ARPP21: variants seen among roughly 807,000 people sequenced by gnomAD.
ARPP21 encodes cAMP-regulated phosphoprotein 21.
In ARPP21, 69 loss-of-function variants were observed where a neutral mutation model predicts 113.2. The ratio of observed to expected loss-of-function variants is 0.61; its 90% CI spans 0.50 to 0.74. The LOEUF (loss-of-function observed/expected upper bound fraction) is 0.74, where lower values mean the gene tolerates loss of function less well. ARPP21 is among the 30% of genes least tolerant of loss of function. The pLI, the probability that ARPP21 is intolerant of heterozygous loss-of-function variation, is 0.00. For missense variants in ARPP21, 1,070 were observed against 1,037.4 expected, an observed-to-expected ratio of 1.03 and a Z score of -0.43; for synonymous variants, 368 against 375.5, an observed-to-expected ratio of 0.98 and a Z score of 0.23.
chr3:35,717,575 C>T (rs2092590644), intron 13 of ARPP21, among the ~76,000 whole-genome samples: 1 of 151,976 alleles, frequency 6.6e-6, no homozygotes, highest in Non-Finnish European at 1.5e-5. Flanking sequence ...CGTTAGGGTT[C>T]TTCTGGTTTT....
chr3:35,716,441 T>C (rs1311249352), intron 12 of ARPP21, among the ~76,000 whole-genome samples: 2 of 152,046 alleles, frequency 1.3e-5, no homozygotes, highest in African/African-American at 2.4e-5. Context: ...ATATTTGCAG[T>C]TGGAAATCTT....
intron 19 of ARPP21, among the ~76,000 whole-genome samples, chr3:35,768,543 T>C (rs2096071359): frequency 6.6e-6 from 1 of 152,198 alleles, no homozygotes; most frequent in African/African-American, 2.4e-5. Flanking sequence ...CTAATTTCAA[T>C]AGTAGTGTGT....
intron 11 of ARPP21, chr3:35,715,191 T>G (rs966127664): frequency 1.9e-5 from 7 of 375,606 alleles, no homozygotes; most frequent in Non-Finnish European, 3.4e-5. Context: ...TCTTCTGACC[T>G]CCATGCCGAA....
At chr3:35,783,775 T>A (rs1407756645) in intron 19 of ARPP21, among the ~76,000 whole-genome samples, 1 of 152,212 alleles carries the variant, frequency 6.6e-6, no homozygotes, top group Non-Finnish European at 1.5e-5. Context: ...CCTAGCTCCA[T>A]TTCTATCCTC....
intron 19 of ARPP21, among the ~76,000 whole-genome samples, chr3:35,746,655 T>A (rs934534169): frequency 6.6e-6 from 1 of 152,198 alleles, no homozygotes; most frequent in African/African-American, 2.4e-5. Context: ...TGTCATAACA[T>A]CCTCAGCTAT....
At chr3:35,662,123 C>T (rs746742438) in intron 1 of ARPP21, among the ~76,000 whole-genome samples, 17 of 152,106 alleles carry the variant, frequency 1.1e-4, no homozygotes, top group Non-Finnish European at 2.1e-4. Flanking sequence ...AGATAATTCA[C>T]ACCATTGGAA....
chr3:35,725,379 C>G (rs1559754273), intron 14 of ARPP21, among the ~76,000 whole-genome samples: 1 of 152,134 alleles, frequency 6.6e-6, no homozygotes. Context: ...AGCCTCTAGT[C>G]TGGAAGAAAC....
At chr3:35,692,162 G>GAACTGA (rs1390447323) in intron 9 of ARPP21, among the ~76,000 whole-genome samples, 1 of 151,670 alleles carries the variant, frequency 6.6e-6, no homozygotes, top group Non-Finnish European at 1.5e-5. Context: ...AGGATAGTTT[G>GAACTGA]AACTGAATCG....
At chr3:35,733,562 G>C (rs187372727) in intron 15 of ARPP21, among the ~76,000 whole-genome samples, 7 of 152,234 alleles carry the variant, frequency 4.6e-5, no homozygotes, top group African/African-American at 4.8e-5. Flanking sequence ...TTTAGTCTTC[G>C]GCAGCTGTCA....
chr3:35,763,618 C>G (rs2095855558), intron 19 of ARPP21, among the ~76,000 whole-genome samples: 1 of 152,050 alleles, frequency 6.6e-6, no homozygotes, highest in Non-Finnish European at 1.5e-5. Context: ...CCTGAAAATC[C>G]TTTAGCGGCT....
At chr3:35,682,777 TCG>T in intron 3 of ARPP21, 69 bp from the exon 4 acceptor site, 2 of 1,378,958 alleles carry the variant, frequency 1.5e-6, no homozygotes, top group South Asian at 2.6e-5. Flanking sequence ...TCTCTCTCTC[TCG>T]GTTGTTGATT....
chr3:35,659,424 T>A (rs1706605319), intron 1 of ARPP21, among the ~76,000 whole-genome samples: 1 of 152,190 alleles, frequency 6.6e-6, no homozygotes, highest in Non-Finnish European at 1.5e-5. Flanking sequence ...TTTAGATGAT[T>A]AGAAGACATT....
chr3:35,707,815 G>C (rs767854938), intron 10 of ARPP21, among the ~76,000 whole-genome samples: 9 of 151,662 alleles, frequency 5.9e-5, no homozygotes, highest in Non-Finnish European at 1.0e-4. Context: ...GGGGGCTATG[G>C]GATCCAGGGT....
intron 19 of ARPP21, among the ~76,000 whole-genome samples, chr3:35,768,932 G>T (rs1434829176): frequency 6.6e-6 from 1 of 152,092 alleles, no homozygotes. Flanking sequence ...ATTAGAAAAG[G>T]CTAGTATATA....
In ARPP21 at chr3:35,787,108, T is replaced by C. The variant is rs2096649701; in HGVS notation, c.2138-5274T>C. On this transcript the variant is annotated intron_variant, in intron 19 of 20. Transcript: ENST00000684406. Reference sequence around the variant, plus strand: ...AGCAGACTGACAGTAGTCTATGAATTCCAAAATTAGAAGTGGCCTGAGAGG... The same window carrying C: ...AGCAGACTGACAGTAGTCTATGAATCCCAAAATTAGAAGTGGCCTGAGAGG... Among the ~76,000 whole-genome samples, 5 of 152,356 alleles carry C rather than the reference T, an allele frequency of 3.3e-5. No individual in the cohort carries two copies. The South Asian group carries it at 8.3e-4, about 25-fold the overall frequency.
chr3:35,728,833 C>A (rs966961695), intron 14 of ARPP21, among the ~76,000 whole-genome samples: 1 of 152,142 alleles, frequency 6.6e-6, no homozygotes, highest in East Asian at 1.9e-4. Flanking sequence ...GTCGGAGAAC[C>A]AGTACTTCAG....
chr3:35,777,719 C>T (rs1056798348), intron 19 of ARPP21, among the ~76,000 whole-genome samples: 5 of 152,064 alleles, frequency 3.3e-5, no homozygotes, highest in African/African-American at 1.2e-4. Context: ...TAGTCTTCAC[C>T]CATTGTTATC....
rs778116728 is a variant in ARPP21, at chr3:35,739,567, C to T, written c.2000C>T (p.Pro667Leu). Residue 667 changes from proline (P) to leucine (L), a missense_variant, in exon 18 of 21, where the codon CCG becomes CTG. Coordinates refer to ENST00000684406, the MANE Select transcript of ARPP21 (RefSeq NM_001385562.1). Reference protein sequence around the residue: ...PSPQGFVQQPPPAQMPVYYYP... With the variant: ...PSPQGFVQQPLPAQMPVYYYP... The stretch of plus-strand genomic sequence containing the variant: ...CCACAGGGATTTGTGCAACAGCCTC[C>T]GCCTGCACAGGTAGGTGTGCTTCCT... 33 of 1,611,862 alleles carry T rather than the reference C, an allele frequency of 2.0e-5. No individual in the cohort carries two copies. The highest frequency in any genetic ancestry group is 6.7e-5 in the African/African-American group (5 of 74,910).
intron 11 of ARPP21, among the ~76,000 whole-genome samples, chr3:35,713,341 T>A (rs1159150816): frequency 6.6e-6 from 1 of 152,174 alleles, no homozygotes; most frequent in African/African-American, 2.4e-5. Context: ...AATGAGATAA[T>A]TTTTTAGGAA....
Sources: gnomAD v4.1 joint callset for allele counts (sites outside exome capture counted in the v4.1 genomes callset) on GRCh38, gnomAD v4.1.1 for gene constraint, MANE v1.5 for transcripts, NCBI Gene and HGNC (gene_info 2026-07-23, HGNC 2026-07-21) for gene names.